Variants in FERMT2 observed in about 807,000 individuals in gnomAD.
FERMT2 encodes fermitin family homolog 2.
In FERMT2, 15 loss-of-function variants were observed where a neutral mutation model predicts 82.7. That is an observed-to-expected ratio of 0.18 (90% CI 0.12 to 0.28). FERMT2 has a LOEUF of 0.28. FERMT2 is among the 10% of genes least tolerant of loss of function. FERMT2 has a pLI of 1.00. For synonymous variants in FERMT2, 274 were observed against 271.5 expected (o/e 1.01, Z -0.09); for missense variants, 645 against 809.4 (o/e 0.80, Z 2.46).
chr14:52,896,230 G>A (rs1229803176), intron 3 of FERMT2, among the ~76,000 whole-genome samples: 1 of 152,080 alleles, frequency 6.6e-6, no homozygotes, highest in African/African-American at 2.4e-5. Context: ...CACAATGTCT[G>A]GCAGCACTAT....
At chr14:52,892,556 G>A (rs568676955) in intron 4 of FERMT2, among the ~76,000 whole-genome samples, 23 of 151,430 alleles carry the variant, frequency 1.5e-4, no homozygotes, top group Admixed American at 4.6e-4. Flanking sequence ...TTGGGTTCAG[G>A]TGATTCTCCT....
chr14:52,872,752 C>T, intron 10 of FERMT2, 47 bp downstream of exon 10: 1 of 1,605,562 alleles, frequency 6.2e-7, no homozygotes, highest in East Asian at 2.2e-5. Context: ...ACTATTAGGC[C>T]AATGGGGATG....
At chr14:52,902,868 C>CAAAAAAAAAAAAAAAAAAAAAAAAAAAA (rs1252336097) in intron 3 of FERMT2, among the ~76,000 whole-genome samples, 2 of 5,544 alleles carry the variant, frequency 3.6e-4, no homozygotes, top group African/African-American at 5.8e-4. Context: ...GACTCCGTCT[C>CAAAAAAAAAAAAAAAAAAAAAAAAAAAA]AAAAAAAAAA....
chr14:52,933,938 C>G (rs908485901), intron 2 of FERMT2, among the ~76,000 whole-genome samples: 1 of 152,020 alleles, frequency 6.6e-6, no homozygotes, highest in African/African-American at 2.4e-5. Context: ...TTCCTTTCCC[C>G]CTTTATCAAA....
intron 2 of FERMT2, among the ~76,000 whole-genome samples, chr14:52,943,807 T>C (rs17623525): frequency 0.27 from 40,533 of 152,114 alleles, 5,951 homozygotes; most frequent in South Asian, 0.34. Context: ...ACTTAGATGT[T>C]TGAAACTTTT....
At chr14:52,919,853 A>C (rs572679638) in intron 2 of FERMT2, among the ~76,000 whole-genome samples, 2 of 152,340 alleles carry the variant, frequency 1.3e-5, no homozygotes, top group South Asian at 4.1e-4. Context: ...TCCTAGGTGA[A>C]GAGGAGGAAC....
intron 2 of FERMT2, among the ~76,000 whole-genome samples, chr14:52,946,699 G>A (rs1890372439): frequency 6.6e-6 from 1 of 150,846 alleles, no homozygotes; most frequent in Admixed American, 6.6e-5. Flanking sequence ...TTTTTTTTGA[G>A]GCGGAGTCTT....
At chr14:52,925,280 G>A (rs888724199) in intron 2 of FERMT2, among the ~76,000 whole-genome samples, 2 of 152,112 alleles carry the variant, frequency 1.3e-5, no homozygotes, top group Non-Finnish European at 2.9e-5. Flanking sequence ...GGCCAGGAGC[G>A]GTGGCTCACA....
At chr14:52,910,214 T>TTC (rs1888238888) in intron 3 of FERMT2, among the ~76,000 whole-genome samples, 1 of 152,140 alleles carries the variant, frequency 6.6e-6, no homozygotes, top group Admixed American at 6.5e-5. Flanking sequence ...TCAATCTGAG[T>TTC]TCTGTTCCAC....
At chr14:52,885,530 G>T (rs1266191601) in intron 4 of FERMT2, among the ~76,000 whole-genome samples, 2 of 152,036 alleles carry the variant, frequency 1.3e-5, no homozygotes, top group African/African-American at 2.4e-5. Flanking sequence ...CAGCAAACTA[G>T]TAAAGTGTAA....
At chr14:52,920,524 C>T (rs943627455) in intron 2 of FERMT2, among the ~76,000 whole-genome samples, 25 of 151,984 alleles carry the variant, frequency 1.6e-4, no homozygotes, top group African/African-American at 4.3e-4. Flanking sequence ...GTCCCAGCTA[C>T]TCAGGATGCT....
At chr14:52,940,081 C>A (rs1210735261) in intron 2 of FERMT2, among the ~76,000 whole-genome samples, 1 of 152,020 alleles carries the variant, frequency 6.6e-6, no homozygotes, top group African/African-American at 2.4e-5. Context: ...AAAAATAAGA[C>A]AGTTAAATAT....
At chr14:52,860,493 C>A in intron 12 of FERMT2, 28 bp from the exon 13 acceptor site, 1 of 1,591,932 alleles carries the variant, frequency 6.3e-7, no homozygotes, top group South Asian at 1.1e-5. Context: ...TCACCTTTAC[C>A]ATTGAACATT....
At chr14:52,886,274 G>GGAGA (rs142670911) in intron 4 of FERMT2, among the ~76,000 whole-genome samples, 1 of 138,618 alleles carries the variant, frequency 7.2e-6, no homozygotes, top group African/African-American at 2.5e-5. Flanking sequence ...CTCTTGGGGG[G>GGAGA]GAGAGAGAGA....
At chr14:52,883,856 C>T (rs1488545741) in intron 4 of FERMT2, among the ~76,000 whole-genome samples, 9 of 152,070 alleles carry the variant, frequency 5.9e-5, no homozygotes, top group Admixed American at 5.9e-4. Flanking sequence ...CACTCCCACC[C>T]CTACCTCCTG....
chr14:52,915,709 T>C (rs1037317493), intron 3 of FERMT2, among the ~76,000 whole-genome samples: 3 of 152,188 alleles, frequency 2.0e-5, no homozygotes, highest in African/African-American at 4.8e-5. Flanking sequence ...AAAATAGGAA[T>C]AGCTTTTTTA....
At chr14:52,923,320 T>C (rs1889068862) in intron 2 of FERMT2, among the ~76,000 whole-genome samples, 1 of 152,044 alleles carries the variant, frequency 6.6e-6, no homozygotes, top group Non-Finnish European at 1.5e-5. Context: ...ACATTGTCTA[T>C]GTCTACTTCT....
intron 12 of FERMT2, chr14:52,862,489 G>A (rs116146061): frequency 0.01 from 1,549 of 152,298 alleles, 29 homozygotes; most frequent in African/African-American, 0.035. Context: ...GCAACATAGC[G>A]AGACCCCATC....
At chr14:52,919,586 T>C (rs562551558) in intron 2 of FERMT2, among the ~76,000 whole-genome samples, 5 of 152,314 alleles carry the variant, frequency 3.3e-5, no homozygotes, top group Middle Eastern at 6.8e-3. Flanking sequence ...TAAGAATGTT[T>C]GAGTCAACTA....
Sources: gnomAD v4.1 joint callset for allele counts (sites outside exome capture counted in the v4.1 genomes callset) on GRCh38, gnomAD v4.1.1 for gene constraint, MANE v1.5 for transcripts, NCBI Gene and HGNC (gene_info 2026-07-23, HGNC 2026-07-21) for gene names.